PCSK5: variants seen among roughly 807,000 people sequenced by gnomAD.
PCSK5 encodes the protein proprotein convertase subtilisin/kexin type 5, also known as prohormone convertase 5.
Under a neutral mutation model 233.2 loss-of-function variants are expected in PCSK5, and 129 were observed. The ratio of observed to expected loss-of-function variants is 0.55; its 90% CI spans 0.48 to 0.64. The LOEUF is 0.64. PCSK5 is among the 30% of genes least tolerant of loss of function. The pLI, the probability that PCSK5 is intolerant of heterozygous loss-of-function variation, is 0.00. For missense variants in PCSK5, 2,076 were observed against 2,430.1 expected, an observed-to-expected ratio of 0.85 and a Z score of 3.06; for synonymous variants, 825 against 879.2, an observed-to-expected ratio of 0.94 and a Z score of 1.09.
chr9:76,264,515 C>T (rs1827275782), intron 24 of PCSK5, among the ~76,000 whole-genome samples: 2 of 151,864 alleles, frequency 1.3e-5, no homozygotes, highest in South Asian at 4.1e-4. Flanking sequence ...ACAGAGTAAA[C>T]AAACATCTGA....
intron 24 of PCSK5, among the ~76,000 whole-genome samples, chr9:76,260,732 C>T (rs1047986743): frequency 3.3e-5 from 5 of 152,200 alleles, no homozygotes; most frequent in Admixed American, 3.3e-4. Context: ...CCATTGAGAT[C>T]TCTACCAGAC....
At chr9:76,333,264 A>C (rs1338508328) in intron 34 of PCSK5, among the ~76,000 whole-genome samples, 1 of 152,222 alleles carries the variant, frequency 6.6e-6, no homozygotes, top group African/African-American at 2.4e-5. Context: ...CAAGATCATT[A>C]ATGGAGGTTC....
chr9:76,015,373 C>A (rs1018035348), intron 3 of PCSK5, among the ~76,000 whole-genome samples: 1 of 152,192 alleles, frequency 6.6e-6, no homozygotes, highest in African/African-American at 2.4e-5. Flanking sequence ...TCCAGAAATA[C>A]TATTTACCAG....
At position 76,096,014 on chromosome 9, in the gene PCSK5, A is replaced by G; in HGVS notation, c.1019A>G (p.Glu340Gly). 6.2e-7 allele frequency: 1 copy of G among 1,614,204 alleles called. No homozygotes were observed. The highest frequency in any genetic ancestry group is 8.5e-7 in the Non-Finnish European group (1 of 1,180,040). ...IYTISISSTA[E>G]SGKKPWYLEE... Reference sequence around the variant, plus strand: ...ACCATCTCCATCAGCAGCACTGCAGAAAGCGGAAAGAAACCTTGGTACCTG... The same window carrying G: ...ACCATCTCCATCAGCAGCACTGCAGGAAGCGGAAAGAAACCTTGGTACCTG... Residue 340 changes from glutamate to glycine, a missense_variant, in exon 8 of 38, where the codon GAA becomes GGA. Glu to Gly is a moderately conservative substitution (Grantham distance 98). Around this residue, in one of 6 missense-constraint regions of PCSK5, gnomAD observed 178 missense variants for 393.6 expected, o/e 0.45. Coordinates refer to ENST00000674117, the MANE Select transcript of PCSK5 (RefSeq NM_001372043.1).
intron 5 of PCSK5, among the ~76,000 whole-genome samples, chr9:76,037,146 T>A (rs181356778): frequency 3.3e-5 from 5 of 152,302 alleles, no homozygotes; most frequent in Non-Finnish European, 7.3e-5. Context: ...AAGACACTGT[T>A]CAGAGCTTGG....
At position 76,198,658 on chromosome 9, in the gene PCSK5, G is replaced by T. The variant is rs555951558; in HGVS notation, c.2626+8912G>T. Reference sequence around the variant, plus strand: ...AGTGAAGATAGAAAGCACACTGTGTGCCTGGGCTTGACTTTTTCTCATTCC... The same window carrying T: ...AGTGAAGATAGAAAGCACACTGTGTTCCTGGGCTTGACTTTTTCTCATTCC... On this transcript the variant is annotated intron_variant, in intron 20 of 37. Transcript: ENST00000674117. 1.1e-4 allele frequency among the ~76,000 whole-genome samples: 16 copies of T among 152,262 alleles called. No individual in the cohort carries two copies. In the South Asian group the frequency reaches 3.3e-3, roughly 32 times the overall value.
At chr9:76,321,776 C>T (rs2131460630) in intron 31 of PCSK5, 137 bp downstream of exon 31, 1 of 608,898 alleles carries the variant, frequency 1.6e-6, no homozygotes, top group East Asian at 2.8e-5. Context: ...CTGTGCCTGT[C>T]ATCAGAGAAA....
intron 24 of PCSK5, among the ~76,000 whole-genome samples, chr9:76,280,544 C>T (rs1385811787): frequency 6.6e-6 from 1 of 152,024 alleles, no homozygotes; most frequent in Non-Finnish European, 1.5e-5. Flanking sequence ...GAATTAGAGA[C>T]CAGCCTGGGC....
Position 76,169,839 on chromosome 9 carries a change from A to T in PCSK5, c.1755A>T (p.Pro585=). Residue 585 remains proline (P), a splice_region_variant and synonymous_variant, in exon 13 of 38, where the codon CCA becomes CCT. Coordinates refer to ENST00000674117, the MANE Select transcript of PCSK5 (RefSeq NM_001372043.1). ...CTCAGCTAAGGAACTTTAAGACTCC[A>T]GGTGAGAACTCCCTTTCTATACATT... ...TPSQLRNFKT[P]GKLKEWSLVL... 6.2e-7 allele frequency: 1 copy of T among 1,612,542 alleles called. No individual in the cohort carries two copies. The highest frequency in any genetic ancestry group is 8.5e-7 in the Non-Finnish European group (1 of 1,178,630).
intron 5 of PCSK5, among the ~76,000 whole-genome samples, chr9:76,062,877 A>G (rs913875421): frequency 4.5e-4 from 68 of 152,148 alleles, no homozygotes; most frequent in Non-Finnish European, 2.1e-4. Flanking sequence ...CTATTATACT[A>G]TTGAACACTA....
At chr9:76,015,317 A>G (rs182005850) in intron 3 of PCSK5, among the ~76,000 whole-genome samples, 27 of 152,310 alleles carry the variant, frequency 1.8e-4, no homozygotes, top group Non-Finnish European at 4.4e-5. Flanking sequence ...TACTAGCTCC[A>G]TCTATCCAAA....
chr9:76,358,441 A>G, intron 37 of PCSK5, 72 bp from the exon 38 acceptor site: 4 of 1,194,078 alleles, frequency 3.3e-6, no homozygotes, highest in Non-Finnish European at 4.7e-6. Context: ...TTACCTCAGA[A>G]ACTAATTTTC....
intron 33 of PCSK5, among the ~76,000 whole-genome samples, chr9:76,330,864 C>T (rs1169750300): frequency 6.6e-6 from 1 of 152,126 alleles, no homozygotes; most frequent in Non-Finnish European, 1.5e-5. Flanking sequence ...AAAAGCATTC[C>T]CTCCAGCCAC....
intron 20 of PCSK5, among the ~76,000 whole-genome samples, chr9:76,198,355 T>C (rs1824780084): frequency 6.6e-6 from 1 of 152,230 alleles, no homozygotes; most frequent in Admixed American, 6.5e-5. Context: ...CTTTTACTTT[T>C]TTCATTTTAG....
chr9:76,260,996 C>T (rs911080498), intron 24 of PCSK5, among the ~76,000 whole-genome samples: 3 of 152,082 alleles, frequency 2.0e-5, no homozygotes, highest in Admixed American at 6.5e-5. Context: ...AATTCTGAAA[C>T]TCCATTTCAT....
chr9:76,182,537 T>TTC (rs386415168), intron 16 of PCSK5, among the ~76,000 whole-genome samples: 1 of 151,530 alleles, frequency 6.6e-6, no homozygotes, highest in Non-Finnish European at 1.5e-5. Flanking sequence ...TGTTTTTTTT[T>TTC]TCTAATGAAT....
At chr9:75,976,477 A>G (rs1826027339) in intron 2 of PCSK5, among the ~76,000 whole-genome samples, 1 of 152,150 alleles carries the variant, frequency 6.6e-6, no homozygotes, top group South Asian at 2.1e-4. Context: ...TTTACTTGAG[A>G]CAAATATAAA....
At chr9:76,330,764 A>G (rs964246689) in intron 33 of PCSK5, among the ~76,000 whole-genome samples, 5 of 152,076 alleles carry the variant, frequency 3.3e-5, no homozygotes, top group Non-Finnish European at 7.4e-5. Context: ...AATAGAAAAC[A>G]CTCAAAGAGA....
chr9:75,955,137 C>T (rs1228915694), intron 2 of PCSK5, among the ~76,000 whole-genome samples: 4 of 152,094 alleles, frequency 2.6e-5, no homozygotes, highest in Non-Finnish European at 5.9e-5. Context: ...TTCTGTCAAT[C>T]GATGCTTCCG....
Sources: allele counts gnomAD v4.1 joint callset (sites outside exome capture counted in the v4.1 genomes callset), GRCh38; gene constraint gnomAD v4.1.1; regional missense constraint gnomAD v4.1.1; transcripts MANE v1.5; gene names NCBI Gene and HGNC (gene_info 2026-07-23, HGNC 2026-07-21).